The following BCKDHB variants were observed in gnomAD, a reference collection of about 807,000 sequenced individuals.
The protein encoded by BCKDHB is branched chain keto acid dehydrogenase E1 subunit beta, also known as 2-oxoisovalerate dehydrogenase subunit beta, mitochondrial.
Under a neutral mutation model 48.5 loss-of-function variants are expected in BCKDHB, and 41 were observed. The observed-to-expected ratio is 0.85, with a 90% CI of 0.66 to 1.10. BCKDHB has a LOEUF of 1.10. Ranked by LOEUF, BCKDHB falls within the 50% of genes least tolerant of loss-of-function variation. BCKDHB has a pLI of 0.00. For missense variants in BCKDHB, 496 were observed against 494.2 expected (o/e 1.00, Z -0.03); for synonymous variants, 201 against 174.8 (o/e 1.15, Z -1.18).
At chr6:80,169,980 G>A (rs767939307) in intron 5 of BCKDHB, 2 of 1,257,130 alleles carry the variant, frequency 1.6e-6, no homozygotes, top group Non-Finnish European at 2.0e-6. Flanking sequence ...TTTAAGAACA[G>A]ATCTTTTCTG....
intron 8 of BCKDHB, among the ~76,000 whole-genome samples, chr6:80,219,263 A>G (rs914086569): frequency 5.4e-5 from 8 of 148,628 alleles, no homozygotes; most frequent in East Asian, 2.0e-4. Flanking sequence ...GCTGGAGTGC[A>G]TGGTGTGATC....
At chr6:80,373,141 T>C in the BCKDHB span, among the ~76,000 whole-genome samples, 1 of 152,308 alleles carries the variant, frequency 6.6e-6, no homozygotes, top group East Asian at 1.9e-4. Flanking sequence ...TATTTGTCTG[T>C]TAAGAGTCTC....
At chr6:80,309,434 C>G (rs1032770072) in intron 9 of BCKDHB, among the ~76,000 whole-genome samples, 1 of 152,152 alleles carries the variant, frequency 6.6e-6, no homozygotes, top group Non-Finnish European at 1.5e-5. Flanking sequence ...TGTACTTTTT[C>G]TGTCTCATAC....
downstream of BCKDHB, among the ~76,000 whole-genome samples, chr6:80,351,085 T>A (rs908154363): frequency 2.0e-5 from 3 of 152,228 alleles, no homozygotes; most frequent in Non-Finnish European, 4.4e-5. Context: ...TTATGTACAT[T>A]TAACCTTGTA....
chr6:80,197,055 TCC>T (rs1774164157), intron 6 of BCKDHB, among the ~76,000 whole-genome samples: 16 of 152,158 alleles, frequency 1.1e-4, no homozygotes, highest in Admixed American at 9.2e-4. Flanking sequence ...TGTCAGTTAG[TCC>T]CACTTCTGTG....
intron 3 of BCKDHB, among the ~76,000 whole-genome samples, chr6:80,147,220 C>G (rs1771532191): frequency 6.6e-6 from 1 of 152,188 alleles, no homozygotes; most frequent in South Asian, 2.1e-4. Context: ...AAATAACTTC[C>G]CCAGGTTTCA....
intron 9 of BCKDHB, among the ~76,000 whole-genome samples, chr6:80,319,374 G>A (rs1244236084): frequency 1.3e-5 from 2 of 152,162 alleles, no homozygotes; most frequent in African/African-American, 4.8e-5. Flanking sequence ...TTAAAGTTAA[G>A]CTTTTAGAAT....
chr6:80,371,677 A>G, the BCKDHB span, among the ~76,000 whole-genome samples: 1 of 152,120 alleles, frequency 6.6e-6, no homozygotes, highest in Non-Finnish European at 1.5e-5. Context: ...AGAGATATGG[A>G]TCCAGTTTCA....
chr6:80,176,085 A>G (rs1268264267), intron 6 of BCKDHB, among the ~76,000 whole-genome samples: 1 of 152,192 alleles, frequency 6.6e-6, no homozygotes, highest in African/African-American at 2.4e-5. Context: ...TTTATATGAT[A>G]TCATGGAGAA....
rs182686751 is a variant in BCKDHB, at chr6:80,330,137, G to A, written c.1039-13527G>A. Among the ~76,000 whole-genome samples the A allele has an allele frequency of 2.6e-5, 4 of 151,756 alleles. No individual in the cohort carries two copies. The East Asian group carries it at 5.8e-4, about 22-fold the overall frequency. On this transcript the variant is annotated intron_variant, in intron 9 of 9. Transcript: ENST00000320393. ...AAAAAAAAAAAGCTTTGGTATGAAG[G>A]CAGGCATGTGCATGTCTTTACTGGG...
intron 3 of BCKDHB, among the ~76,000 whole-genome samples, chr6:80,141,131 C>T (rs1470203868): frequency 6.6e-6 from 1 of 152,116 alleles, no homozygotes; most frequent in Non-Finnish European, 1.5e-5. Flanking sequence ...GTTTGTATTT[C>T]TGTGGGATCG....
At chr6:80,404,432 A>T in the BCKDHB span, among the ~76,000 whole-genome samples, 1 of 146,368 alleles carries the variant, frequency 6.8e-6, no homozygotes, top group Non-Finnish European at 1.5e-5. Flanking sequence ...TCTTATTTAT[A>T]ATTTTATTTA....
At chr6:80,303,625 AATAG>A (rs1582536973) in intron 9 of BCKDHB, among the ~76,000 whole-genome samples, 1 of 152,104 alleles carries the variant, frequency 6.6e-6, no homozygotes, top group African/African-American at 2.4e-5. Context: ...TGAAATTAAA[AATAG>A]ATAAGTACAT....
chr6:80,404,665 G>A, the BCKDHB span, among the ~76,000 whole-genome samples: 1 of 151,660 alleles, frequency 6.6e-6, no homozygotes, highest in East Asian at 1.9e-4. Flanking sequence ...TTGTTTATTT[G>A]TGATCATTCT....
intron 3 of BCKDHB, among the ~76,000 whole-genome samples, chr6:80,141,341 GAGGCTAGCGATCAGAAACCTATATTAAAA>G (rs1263254608): frequency 6.6e-5 from 10 of 151,994 alleles, no homozygotes; most frequent in Non-Finnish European, 1.2e-4. Context: ...CATGAAATAA[GAGGCTAGCGATCAGAAACCTATATTAAAA>G]AGTTTGAAAA....
chr6:80,460,315 G>A, the BCKDHB span, among the ~76,000 whole-genome samples: 31 of 152,094 alleles, frequency 2.0e-4, no homozygotes, highest in African/African-American at 7.5e-4. Flanking sequence ...AATAAACGTG[G>A]AGAAAACTTT....
chr6:80,313,422 G>A (rs893265714), intron 9 of BCKDHB, among the ~76,000 whole-genome samples: 3 of 151,970 alleles, frequency 2.0e-5, no homozygotes, highest in Admixed American at 1.3e-4. Flanking sequence ...GTGCAGTGGC[G>A]CGATCTCAGC....
chr6:80,133,554 C>T (rs560262857), intron 3 of BCKDHB, among the ~76,000 whole-genome samples: 1 of 152,242 alleles, frequency 6.6e-6, no homozygotes, highest in African/African-American at 2.4e-5. Context: ...AGCTGGACCT[C>T]TGGGGAAGCA....
intron 1 of BCKDHB, among the ~76,000 whole-genome samples, chr6:80,115,579 C>T (rs1485051982): frequency 6.6e-6 from 1 of 151,608 alleles, no homozygotes; most frequent in African/African-American, 2.4e-5. Context: ...ATTCATCATA[C>T]TTCACCAGGC....
Sources: allele counts gnomAD v4.1 joint callset (sites outside exome capture counted in the v4.1 genomes callset), GRCh38; gene constraint gnomAD v4.1.1; transcripts MANE v1.5; gene names NCBI Gene and HGNC (gene_info 2026-07-23, HGNC 2026-07-21).